DPYD: variants seen among roughly 807,000 people sequenced by gnomAD.
DPYD encodes dihydropyrimidine dehydrogenase.
A neutral mutation model predicts 116.2 loss-of-function variants in DPYD; 109 were observed. The observed-to-expected ratio is 0.94, with a 90% confidence interval of 0.80 to 1.10. The LOEUF (loss-of-function observed/expected upper bound fraction) is 1.10, where lower values mean the gene tolerates loss of function less well. Among genes scored for constraint, DPYD ranks in the 50% least tolerant of loss-of-function variants. The probability of loss-of-function intolerance (pLI) is 0.00; values close to 1 mark genes in which losing one functional copy is unlikely to be tolerated. For missense variants in DPYD, 1,302 were observed against 1,254.5 expected (o/e 1.04, Z -0.57); for synonymous variants, 440 against 432.0 (o/e 1.02, Z -0.23).
At chr1:97,214,236 G>A (rs971330956) in intron 19 of DPYD, among the ~76,000 whole-genome samples, 1 of 151,992 alleles carries the variant, frequency 6.6e-6, no homozygotes, top group Non-Finnish European at 1.5e-5. Context: ...CTTGATTTAG[G>A]TTATGATATG....
intron 13 of DPYD, among the ~76,000 whole-genome samples, chr1:97,457,794 C>G (rs1260961795): frequency 6.6e-6 from 1 of 152,130 alleles, no homozygotes; most frequent in Non-Finnish European, 1.5e-5. Context: ...TTAAGGAGTT[C>G]AAACTTTTTC....
intron 16 of DPYD, among the ~76,000 whole-genome samples, chr1:97,341,046 G>A (rs75323142): frequency 0.05 from 7,568 of 152,174 alleles, 262 homozygotes; most frequent in East Asian, 0.11. Flanking sequence ...GACAGTAAAG[G>A]CTAGTTACCA....
intron 18 of DPYD, among the ~76,000 whole-genome samples, chr1:97,268,846 C>T (rs1245901099): frequency 6.6e-6 from 1 of 152,140 alleles, no homozygotes; most frequent in Non-Finnish European, 1.5e-5. Context: ...TTTCTTCTAT[C>T]CATATTAATC....
intron 20 of DPYD, among the ~76,000 whole-genome samples, chr1:97,120,658 T>C (rs761113547): frequency 2.0e-5 from 3 of 152,192 alleles, no homozygotes; most frequent in African/African-American, 4.8e-5. Flanking sequence ...GTGAAAATGC[T>C]CTGAGTCTCT....
At chr1:97,102,589 CT>C (rs78257804) in intron 20 of DPYD, among the ~76,000 whole-genome samples, 1 of 149,990 alleles carries the variant, frequency 6.7e-6, no homozygotes, top group Non-Finnish European at 1.5e-5. Flanking sequence ...TAAAAGTTGA[CT>C]TTTTTTTCCC....
chr1:97,670,416 T>C (rs1659797480), intron 8 of DPYD, among the ~76,000 whole-genome samples: 1 of 152,150 alleles, frequency 6.6e-6, no homozygotes, highest in African/African-American at 2.4e-5. Context: ...ATTAGTGCCC[T>C]TATAGAAAGA....
chr1:97,384,645 T>G (rs1389539781), intron 14 of DPYD, among the ~76,000 whole-genome samples: 1 of 150,896 alleles, frequency 6.6e-6, no homozygotes, highest in Non-Finnish European at 1.5e-5. Context: ...GAGTGAAGAG[T>G]GATTAGGGCT....
chr1:97,300,369 C>A (rs903669787), intron 18 of DPYD, among the ~76,000 whole-genome samples: 1 of 151,992 alleles, frequency 6.6e-6, no homozygotes, highest in South Asian at 2.1e-4. Flanking sequence ...CAATAGATAG[C>A]TTAAATTTGA....
intron 22 of DPYD, among the ~76,000 whole-genome samples, chr1:97,080,726 T>C (rs1448822279): frequency 6.6e-6 from 1 of 152,182 alleles, no homozygotes; most frequent in African/African-American, 2.4e-5. Context: ...CTTAGAAATA[T>C]ACTTTGAAAA....
intron 10 of DPYD, among the ~76,000 whole-genome samples, chr1:97,582,371 A>T (rs940112103): frequency 1.3e-5 from 2 of 152,208 alleles, no homozygotes; most frequent in Non-Finnish European, 2.9e-5. Context: ...ATACAGAGTG[A>T]TATTTAATTC....
chr1:97,691,940 A>G (rs1003193026), intron 6 of DPYD, 142 bp from the exon 7 acceptor site: 22 of 689,782 alleles, frequency 3.2e-5, no homozygotes, highest in Non-Finnish European at 5.2e-5. Context: ...CACACAAGAT[A>G]TGCATGAGGA....
intron 3 of DPYD, among the ~76,000 whole-genome samples, chr1:97,782,605 G>C (rs1226678688): frequency 2.0e-5 from 3 of 152,194 alleles, no homozygotes; most frequent in Admixed American, 2.0e-4. Flanking sequence ...TCCCTGTTTA[G>C]ATTTAAAACG....
At chr1:97,117,371 G>A (rs768173344) in intron 20 of DPYD, among the ~76,000 whole-genome samples, 9 of 152,166 alleles carry the variant, frequency 5.9e-5, no homozygotes, top group Non-Finnish European at 1.3e-4. Flanking sequence ...CTAGAAGATC[G>A]TTTCAGAACC....
At chr1:97,671,701 C>T (rs901827673) in intron 8 of DPYD, among the ~76,000 whole-genome samples, 3 of 151,772 alleles carry the variant, frequency 2.0e-5, no homozygotes, top group African/African-American at 7.3e-5. Context: ...AAGAAATGTG[C>T]TGAAATTATG....
intron 19 of DPYD, among the ~76,000 whole-genome samples, chr1:97,233,286 G>A (rs1238086273): frequency 6.6e-6 from 1 of 152,142 alleles, no homozygotes; most frequent in Non-Finnish European, 1.5e-5. Flanking sequence ...AAGGAGGAAA[G>A]GAGAGTGGCC....
intron 18 of DPYD, among the ~76,000 whole-genome samples, chr1:97,246,569 T>C (rs1365894910): frequency 6.6e-6 from 1 of 152,100 alleles, no homozygotes; most frequent in African/African-American, 2.4e-5. Flanking sequence ...TCAGATATAG[T>C]AATGAACAAA....
At chr1:97,585,554 T>G (rs1277081346) in intron 10 of DPYD, among the ~76,000 whole-genome samples, 1 of 152,186 alleles carries the variant, frequency 6.6e-6, no homozygotes, top group African/African-American at 2.4e-5. Context: ...GAATTTAGAA[T>G]TTTAGAAAAA....
chr1:97,200,550 G>C, intron 19 of DPYD, among the ~76,000 whole-genome samples: 1 of 152,160 alleles, frequency 6.6e-6, no homozygotes, highest in South Asian at 2.1e-4. Context: ...TCAGGAAAAA[G>C]AAGGTTATAT....
intron 8 of DPYD, among the ~76,000 whole-genome samples, chr1:97,633,172 T>G (rs1178029866): frequency 2.0e-5 from 3 of 152,146 alleles, no homozygotes; most frequent in Admixed American, 1.3e-4. Context: ...ATAAGAATTT[T>G]GGGTCAAGAT....
Sources: allele counts gnomAD v4.1 joint callset (sites outside exome capture counted in the v4.1 genomes callset), GRCh38; gene constraint gnomAD v4.1.1; transcripts MANE v1.5; gene names NCBI Gene and HGNC (gene_info 2026-07-23, HGNC 2026-07-21).